Variants in LHFPL2 observed in about 807,000 individuals in gnomAD.
LHFPL2 encodes the protein LHFPL tetraspan subfamily member 2.
In LHFPL2, 7 loss-of-function variants were observed where a neutral mutation model predicts 17.5. That is an observed-to-expected ratio of 0.40 (90% CI 0.23 to 0.75). LHFPL2 has a LOEUF of 0.75. Among genes scored for constraint, LHFPL2 ranks in the 30% least tolerant of loss-of-function variants. LHFPL2 has a pLI of 0.37. For missense variants in LHFPL2, 241 were observed against 294.8 expected (o/e 0.82, Z 1.34); for synonymous variants, 134 against 116.2 (o/e 1.15, Z -0.99).
intron 2 of LHFPL2, among the ~76,000 whole-genome samples, chr5:78,584,450 G>A: frequency 6.6e-6 from 1 of 152,158 alleles, no homozygotes; most frequent in Middle Eastern, 3.2e-3. Context: ...GTGATGTACA[G>A]ATGGGTTTTT....
At chr5:78,611,639 T>C (rs547095732) in intron 2 of LHFPL2, among the ~76,000 whole-genome samples, 2 of 152,252 alleles carry the variant, frequency 1.3e-5, no homozygotes, top group South Asian at 2.1e-4. Context: ...CAGGACCAGA[T>C]GACACCAGCC....
At chr5:78,532,075 C>T (rs1276220494) in intron 3 of LHFPL2, among the ~76,000 whole-genome samples, 3 of 152,124 alleles carry the variant, frequency 2.0e-5, no homozygotes, top group Non-Finnish European at 4.4e-5. Flanking sequence ...CAGGCACGTG[C>T]CACCACACCC....
At chr5:78,647,701 A>C (rs1745932577) in intron 1 of LHFPL2, among the ~76,000 whole-genome samples, 1 of 152,168 alleles carries the variant, frequency 6.6e-6, no homozygotes, top group African/African-American at 2.4e-5. Flanking sequence ...GCTCCCATTG[A>C]AACAAGCACA....
chr5:78,597,718 A>G (rs1004221206), intron 2 of LHFPL2, among the ~76,000 whole-genome samples: 4 of 152,258 alleles, frequency 2.6e-5, no homozygotes, highest in African/African-American at 9.6e-5. Context: ...TTCAATGAAC[A>G]CTTACCAAAT....
intron 1 of LHFPL2, among the ~76,000 whole-genome samples, chr5:78,637,574 T>C (rs1745499810): frequency 6.6e-6 from 1 of 152,218 alleles, no homozygotes; most frequent in Non-Finnish European, 1.5e-5. Flanking sequence ...CAGCCCTAAG[T>C]AGCAGGTGAC....
intron 2 of LHFPL2, among the ~76,000 whole-genome samples, chr5:78,608,162 A>C (rs1311077915): frequency 6.6e-6 from 1 of 152,246 alleles, no homozygotes; most frequent in African/African-American, 2.4e-5. Flanking sequence ...TGAAAGGAGC[A>C]GAGAAAACAT....
At chr5:78,540,485 C>T (rs1756077606) in intron 3 of LHFPL2, among the ~76,000 whole-genome samples, 1 of 152,340 alleles carries the variant, frequency 6.6e-6, no homozygotes, top group Non-Finnish European at 1.5e-5. Flanking sequence ...CCTCAGCCAT[C>T]CTTTTTAGGA....
At chr5:78,647,881 C>G (rs1287639055) in intron 1 of LHFPL2, among the ~76,000 whole-genome samples, 1 of 152,176 alleles carries the variant, frequency 6.6e-6, no homozygotes, top group African/African-American at 2.4e-5. Context: ...GCAGAGTCTC[C>G]CCAGTCCTTT....
At chr5:78,525,190 C>CT (rs1262206066) in intron 3 of LHFPL2, among the ~76,000 whole-genome samples, 5 of 152,218 alleles carry the variant, frequency 3.3e-5, no homozygotes, top group African/African-American at 1.2e-4. Context: ...GAAGGTACTG[C>CT]TGTGGTTTAG....
chr5:78,570,622 CGTATATATAT>C (rs1473928002), intron 2 of LHFPL2, among the ~76,000 whole-genome samples: 1 of 146,030 alleles, frequency 6.8e-6, no homozygotes, highest in African/African-American at 2.6e-5. Flanking sequence ...TATATATATA[CGTATATATAT>C]AGTATATATA....
Position 78,489,038 on chromosome 5 carries a change from G to A in LHFPL2, c.546C>T (p.Gly182=). 1 of 1,614,230 alleles carries A rather than the reference G, an allele frequency of 6.2e-7. No individual in the cohort carries two copies. The highest frequency in any genetic ancestry group is 8.5e-7 in the Non-Finnish European group (1 of 1,180,036). ...SAYKPGDCSL[G]WAFYTAIGGT... is the part of the protein sequence containing the mutation. The stretch of plus-strand genomic sequence containing the variant: ...CCCCAATGGCGGTATAAAAGGCCCA[G>A]CCCAAGGAGCAGTCTCCAGGTTTGT... The change falls in exon 5 of 5, where the codon GGC becomes GGT. Residue 182 remains glycine, a synonymous_variant. Transcript: ENST00000380345.
intron 3 of LHFPL2, among the ~76,000 whole-genome samples, chr5:78,557,377 A>G (rs1161890176): frequency 6.6e-6 from 1 of 152,214 alleles, no homozygotes; most frequent in East Asian, 1.9e-4. Flanking sequence ...ACCTTGAATG[A>G]GAAGTCCATG....
intron 2 of LHFPL2, among the ~76,000 whole-genome samples, chr5:78,601,769 G>A (rs901735440): frequency 5.3e-5 from 8 of 152,158 alleles, no homozygotes; most frequent in African/African-American, 1.9e-4. Context: ...AGGGTGGAGA[G>A]GCTGGGGGGA....
intron 2 of LHFPL2, among the ~76,000 whole-genome samples, chr5:78,590,971 T>TC (rs1675078289): frequency 1.3e-5 from 2 of 152,224 alleles, no homozygotes; most frequent in Non-Finnish European, 2.9e-5. Flanking sequence ...ATCAAACTGT[T>TC]TACCAGTAAA....
intron 3 of LHFPL2, among the ~76,000 whole-genome samples, chr5:78,560,778 G>A (rs1756704619): frequency 6.6e-6 from 1 of 151,670 alleles, no homozygotes; most frequent in Non-Finnish European, 1.5e-5. Flanking sequence ...GTCAGACTAT[G>A]AACAAAACCT....
chr5:78,593,406 G>C (rs1308926815), intron 2 of LHFPL2, among the ~76,000 whole-genome samples: 1 of 152,052 alleles, frequency 6.6e-6, no homozygotes, highest in Admixed American at 6.5e-5. Flanking sequence ...AAGACAGCCT[G>C]GGGACTTAAA....
intron 4 of LHFPL2, among the ~76,000 whole-genome samples, chr5:78,506,609 C>T (rs1480844258): frequency 3.3e-5 from 5 of 152,236 alleles, no homozygotes; most frequent in African/African-American, 1.2e-4. Context: ...GCCACAGATT[C>T]AAGAACCACA....
At chr5:78,505,777 T>C (rs1754914261) in intron 4 of LHFPL2, among the ~76,000 whole-genome samples, 1 of 152,268 alleles carries the variant, frequency 6.6e-6, no homozygotes. Context: ...ATAATGATTC[T>C]ATAGCTACCA....
intron 2 of LHFPL2, among the ~76,000 whole-genome samples, chr5:78,569,522 G>A (rs530907360): frequency 3.3e-5 from 5 of 152,222 alleles, no homozygotes; most frequent in African/African-American, 1.2e-4. Context: ...CTGACAACAG[G>A]TCCAGGACTA....
Sources: allele counts gnomAD v4.1 joint callset (sites outside exome capture counted in the v4.1 genomes callset), GRCh38; gene constraint gnomAD v4.1.1; transcripts MANE v1.5; gene names NCBI Gene and HGNC (gene_info 2026-07-23, HGNC 2026-07-21).